SOCS5: variants seen among roughly 807,000 people sequenced by gnomAD.
The protein encoded by SOCS5 is CIS-6.
Under a neutral mutation model 42.8 loss-of-function variants are expected in SOCS5, and 32 were observed. The ratio of observed to expected loss-of-function variants is 0.75; its 90% CI spans 0.56 to 1.01. The LOEUF (loss-of-function observed/expected upper bound fraction) is 1.01. SOCS5 is among the 50% of genes least tolerant of loss of function. SOCS5 has a pLI of 0.00. For missense variants in SOCS5, 627 were observed against 653.0 expected, an observed-to-expected ratio of 0.96 and a Z score of 0.43; for synonymous variants, 283 against 229.6, an observed-to-expected ratio of 1.23 and a Z score of -2.10.
chr2:46,714,797 G>A (rs1432397710), intron 1 of SOCS5, among the ~76,000 whole-genome samples: 2 of 152,130 alleles, frequency 1.3e-5, no homozygotes, highest in Admixed American at 6.5e-5. Context: ...GTTGGCTGGT[G>A]TTGTTTCTTT....
chr2:46,723,463 G>A (rs1056321116), intron 1 of SOCS5, among the ~76,000 whole-genome samples: 6 of 152,010 alleles, frequency 3.9e-5, no homozygotes, highest in African/African-American at 1.2e-4. Flanking sequence ...TGTATAAGGT[G>A]TGAAGTTTAG....
chr2:46,712,190 C>T (rs1289201348), intron 1 of SOCS5, among the ~76,000 whole-genome samples: 1 of 152,010 alleles, frequency 6.6e-6, no homozygotes, highest in Non-Finnish European at 1.5e-5. Flanking sequence ...CATAATATAG[C>T]TCTATTTAGA....
chr2:46,706,941 TCA>T (rs1199932000), intron 1 of SOCS5, among the ~76,000 whole-genome samples: 2 of 152,200 alleles, frequency 1.3e-5, no homozygotes, highest in Non-Finnish European at 2.9e-5. Context: ...TTTTGGAATC[TCA>T]GAGTGAGATT....
chr2:46,724,574 T>C (rs1199210742), intron 1 of SOCS5, among the ~76,000 whole-genome samples: 2 of 152,092 alleles, frequency 1.3e-5, no homozygotes, highest in African/African-American at 4.8e-5. Context: ...TGTATTTTTA[T>C]TTCCTTTTCA....
At chr2:46,710,394 C>T (rs527861333) in intron 1 of SOCS5, among the ~76,000 whole-genome samples, 3 of 152,268 alleles carry the variant, frequency 2.0e-5, no homozygotes, top group Non-Finnish European at 4.4e-5. Flanking sequence ...ATCCACCCAC[C>T]TCAGCCTCCC....
Position 46,734,000 on chromosome 2 carries a change from C to T in SOCS5, c.-12-24519C>T, listed in dbSNP as rs1001497354. On this transcript the variant is annotated intron_variant, in intron 1 of 1. Coordinates refer to ENST00000394861, the MANE Select transcript of SOCS5 (RefSeq NM_144949.3). Reference sequence around the variant, plus strand: ...TAAAAGACTGAAATGTAGTACTTAACGGAGAGTTAGAAAGAAATAATGGAA... The same window carrying T: ...TAAAAGACTGAAATGTAGTACTTAATGGAGAGTTAGAAAGAAATAATGGAA... Among the ~76,000 whole-genome samples, 12 of 152,256 alleles carry T rather than the reference C, an allele frequency of 7.9e-5. No individual in the cohort carries two copies. The South Asian group carries it at 1.2e-3, about 16-fold the overall frequency.
chr2:46,732,093 G>C (rs1036336056), intron 1 of SOCS5, among the ~76,000 whole-genome samples: 1 of 152,226 alleles, frequency 6.6e-6, no homozygotes, highest in Admixed American at 6.5e-5. Context: ...TTCAGGCTCT[G>C]TGGCTGGATG....
In SOCS5 at chr2:46,762,234, AATTAT is replaced by A; in HGVS notation, c.*2097_*2101del. 2 of 167,056 alleles carry A rather than the reference AATTAT, an allele frequency of 1.2e-5. No individual in the cohort carries two copies. The highest frequency in any genetic ancestry group is 4.1e-4 in the South Asian group (2 of 4,828). 10.3% of individuals were successfully genotyped at this position (167,056 alleles called of 1,614,324 possible). A position where few individuals can be genotyped will look rare whatever the true frequency, so the allele number is the denominator to read the frequency against. On this transcript the variant is annotated 3_prime_UTR_variant, in exon 2 of 2. Transcript: ENST00000394861. ...ATGTGCAATTAAGTTGTTATGACATAATTATATTGCCTAATTGTTGGGTCTTTTTT... is the reference window on the plus strand; with the variant it reads ...ATGTGCAATTAAGTTGTTATGACATAATTGCCTAATTGTTGGGTCTTTTTT...
intron 1 of SOCS5, among the ~76,000 whole-genome samples, chr2:46,721,125 C>G (rs947262915): frequency 2.6e-5 from 4 of 152,084 alleles, no homozygotes; most frequent in South Asian, 4.1e-4. Context: ...AGCTGAGACT[C>G]CTTTGTATTG....
intron 1 of SOCS5, among the ~76,000 whole-genome samples, chr2:46,711,614 G>T (rs1672624480): frequency 6.6e-6 from 1 of 152,142 alleles, no homozygotes; most frequent in Non-Finnish European, 1.5e-5. Context: ...CAAAAGTTTT[G>T]AATTTAGTGG....
intron 1 of SOCS5, among the ~76,000 whole-genome samples, chr2:46,751,181 G>A (rs1430125209): frequency 1.3e-5 from 2 of 152,070 alleles, no homozygotes; most frequent in East Asian, 1.9e-4. Flanking sequence ...AAATGCTTAT[G>A]TCAGAGCCTG....
chr2:46,718,204 C>T (rs1481031523), intron 1 of SOCS5, among the ~76,000 whole-genome samples: 6 of 152,142 alleles, frequency 3.9e-5, no homozygotes, highest in Admixed American at 1.3e-4. Context: ...CCTGTGCTGC[C>T]TCTTGTCCAA....
intron 1 of SOCS5, among the ~76,000 whole-genome samples, chr2:46,727,551 C>T (rs907905667): frequency 6.6e-6 from 1 of 152,226 alleles, no homozygotes; most frequent in South Asian, 2.1e-4. Context: ...AGCCAGCTTT[C>T]TGTGGGTGGT....
At chr2:46,700,973 C>G (rs1428076894) in intron 1 of SOCS5, among the ~76,000 whole-genome samples, 2 of 152,124 alleles carry the variant, frequency 1.3e-5, no homozygotes, top group Non-Finnish European at 1.5e-5. Context: ...GCCCTTTTAT[C>G]CATCAGAGAA....
intron 1 of SOCS5, among the ~76,000 whole-genome samples, chr2:46,709,110 T>C (rs1672558690): frequency 6.6e-6 from 1 of 152,082 alleles, no homozygotes; most frequent in African/African-American, 2.4e-5. Context: ...GGTCTCAATT[T>C]CTTGACCTCG....
At chr2:46,729,621 C>T (rs547563245) in intron 1 of SOCS5, among the ~76,000 whole-genome samples, 7 of 152,194 alleles carry the variant, frequency 4.6e-5, no homozygotes, top group African/African-American at 7.2e-5. Context: ...AAATGGCACA[C>T]CTGTATAGGG....
At chr2:46,716,867 C>G (rs1275697793) in intron 1 of SOCS5, among the ~76,000 whole-genome samples, 1 of 152,118 alleles carries the variant, frequency 6.6e-6, no homozygotes, top group Non-Finnish European at 1.5e-5. Flanking sequence ...TACGGAATAG[C>G]TTTTAGTTTA....
intron 1 of SOCS5, among the ~76,000 whole-genome samples, chr2:46,723,604 G>A (rs1005887536): frequency 2.6e-5 from 4 of 151,912 alleles, no homozygotes; most frequent in Non-Finnish European, 5.9e-5. Context: ...ATTTGTGTGG[G>A]TCTCTTTCTC....
Position 46,759,991 on chromosome 2 carries a change from C to A in SOCS5, c.1461C>A (p.Ile487=). ...CTTTCCCTTTTAGCCTGCAGTATAT[C>A]TGTCGCGCGGTAATCTGCAGGTGCA... The part of the protein sequence containing the change: ...NRTFPFSLQY[I]CRAVICRCTT... The change falls in exon 2 of 2, where the codon ATC becomes ATA. Residue 487 remains isoleucine (I), a synonymous_variant. Coordinates refer to ENST00000394861, the MANE Select transcript of SOCS5 (RefSeq NM_144949.3). 1 of 1,614,150 alleles carries A rather than the reference C, an allele frequency of 6.2e-7. No individual in the cohort carries two copies. The highest frequency in any genetic ancestry group is 8.5e-7 in the Non-Finnish European group (1 of 1,180,016).
Sources: allele counts gnomAD v4.1 joint callset (sites outside exome capture counted in the v4.1 genomes callset), GRCh38; gene constraint gnomAD v4.1.1; transcripts MANE v1.5; gene names NCBI Gene and HGNC (gene_info 2026-07-23, HGNC 2026-07-21).